Variants in CCDC85A observed in about 807,000 individuals in gnomAD.
The protein encoded by CCDC85A is coiled-coil domain containing 85A.
A neutral mutation model predicts 50.2 loss-of-function variants in CCDC85A; 38 were observed. The observed-to-expected ratio is 0.76, with a 90% CI of 0.58 to 0.99. CCDC85A has a LOEUF of 0.99. CCDC85A is among the 50% of genes least tolerant of loss of function. The pLI, the probability that CCDC85A is intolerant of heterozygous loss-of-function variation, is 0.00. For missense variants in CCDC85A, 820 were observed against 742.0 expected (o/e 1.11, Z -1.22); for synonymous variants, 366 against 301.4 (o/e 1.21, Z -2.22).
At chr2:56,297,129 T>C (rs1433074629) in intron 2 of CCDC85A, among the ~76,000 whole-genome samples, 2 of 152,158 alleles carry the variant, frequency 1.3e-5, no homozygotes, top group Non-Finnish European at 2.9e-5. Context: ...GAAATACTTA[T>C]TCGTTGAGAG....
intron 2 of CCDC85A, among the ~76,000 whole-genome samples, chr2:56,308,420 A>C (rs1036520594): frequency 2.0e-5 from 3 of 152,148 alleles, no homozygotes; most frequent in Non-Finnish European, 4.4e-5. Context: ...TGCTGAACTT[A>C]GAAGATCAAC....
intron 2 of CCDC85A, among the ~76,000 whole-genome samples, chr2:56,276,927 C>T (rs998168043): frequency 5.9e-5 from 9 of 152,150 alleles, no homozygotes; most frequent in South Asian, 4.1e-4. Flanking sequence ...TTTTCAGCAT[C>T]TAGCCAGTGC....
chr2:56,267,269 A>G (rs1670492575), intron 2 of CCDC85A, among the ~76,000 whole-genome samples: 1 of 152,148 alleles, frequency 6.6e-6, no homozygotes, highest in African/African-American at 2.4e-5. Flanking sequence ...GCTGCAGAAT[A>G]TATTTCAAGC....
At chr2:56,264,674 C>T (rs1404438906) in intron 2 of CCDC85A, among the ~76,000 whole-genome samples, 1 of 152,178 alleles carries the variant, frequency 6.6e-6, no homozygotes, top group Admixed American at 6.5e-5. Flanking sequence ...TTATGTCACT[C>T]TTCTATTTAC....
In CCDC85A at chr2:56,222,910, A is replaced by T. The variant is rs79652128; in HGVS notation, c.1240+29470A>T. 8.2e-3 allele frequency among the ~76,000 whole-genome samples: 1,255 copies of T among 152,270 alleles called. 13 individuals are homozygous for T. Among genetic ancestry groups the T allele is most frequent in the African/African-American group, 0.029 (1,193 of 41,570 alleles). ...CTTTCAAAAACAATTTGCATGCTTC[A>T]TGGGAAAGCCAGCTGAATTGCTTCA... is the stretch of plus-strand genomic sequence containing the variant. On this transcript the variant is annotated intron_variant, in intron 2 of 5. Coordinates refer to ENST00000407595, the MANE Select transcript of CCDC85A (RefSeq NM_001080433.2).
chr2:56,322,359 C>A (rs1673244716), intron 2 of CCDC85A, among the ~76,000 whole-genome samples: 1 of 152,110 alleles, frequency 6.6e-6, no homozygotes, highest in Non-Finnish European at 1.5e-5. Context: ...AACAGGCAAC[C>A]TACAGAATGG....
At chr2:56,347,329 G>A (rs1371561180) in intron 3 of CCDC85A, among the ~76,000 whole-genome samples, 1 of 152,180 alleles carries the variant, frequency 6.6e-6, no homozygotes, top group Non-Finnish European at 1.5e-5. Flanking sequence ...TTTCTAGCAT[G>A]TGCACAGTGG....
chr2:56,322,524 C>T (rs1200452730), intron 2 of CCDC85A, among the ~76,000 whole-genome samples: 1 of 152,096 alleles, frequency 6.6e-6, no homozygotes, highest in African/African-American at 2.4e-5. Flanking sequence ...GTTTATGCAG[C>T]CAACAGACAC....
At chr2:56,360,195 T>C (rs1454371394) in intron 3 of CCDC85A, among the ~76,000 whole-genome samples, 2 of 152,250 alleles carry the variant, frequency 1.3e-5, no homozygotes, top group African/African-American at 2.4e-5. Context: ...TCACAATGCT[T>C]GGTCAGTGAC....
At chr2:56,379,893 A>G (rs1676504516) in intron 5 of CCDC85A, 1 of 573,034 alleles carries the variant, frequency 1.7e-6, no homozygotes, top group Non-Finnish European at 2.2e-6. Flanking sequence ...TGAAAGCCAC[A>G]TCGTAGCTTA....
At chr2:56,216,879 A>T (rs1028330188) in intron 2 of CCDC85A, among the ~76,000 whole-genome samples, 1 of 151,420 alleles carries the variant, frequency 6.6e-6, no homozygotes, top group Non-Finnish European at 1.5e-5. Flanking sequence ...TCTTTTGCTC[A>T]TGGGGCCAAG....
At chr2:56,353,602 T>C (rs1026094612) in intron 3 of CCDC85A, among the ~76,000 whole-genome samples, 5 of 152,198 alleles carry the variant, frequency 3.3e-5, no homozygotes, top group African/African-American at 4.8e-5. Flanking sequence ...GAAGATTGAA[T>C]TGGTTGTATC....
intron 2 of CCDC85A, among the ~76,000 whole-genome samples, chr2:56,240,710 A>G (rs1401699050): frequency 3.3e-5 from 5 of 152,146 alleles, no homozygotes; most frequent in African/African-American, 4.8e-5. Context: ...AGGTTCACTG[A>G]TGTCGCTGTC....
At position 56,231,645 on chromosome 2, in the gene CCDC85A, G is replaced by T. The variant is rs185560197; in HGVS notation, c.1240+38205G>T. Among the ~76,000 whole-genome samples the T allele has an allele frequency of 1.7e-4, 26 of 152,098 alleles. 1 individual carries two copies. Among genetic ancestry groups the T allele is most frequent in the Admixed American group, 1.7e-3 (26 of 15,266 alleles). ...CTGTAGACCAAGGTTTTTTAATGGG[G>T]TGCCTAAAACCTTAGAGAGTTCATG... On this transcript the variant is annotated intron_variant, in intron 2 of 5. Coordinates refer to ENST00000407595, the MANE Select transcript of CCDC85A (RefSeq NM_001080433.2).
chr2:56,305,355 G>A (rs10195550), intron 2 of CCDC85A, among the ~76,000 whole-genome samples: 3,234 of 152,240 alleles, frequency 0.021, 125 homozygotes, highest in African/African-American at 0.074. Flanking sequence ...CCATTTTACT[G>A]ATGAGTACAA....
At chr2:56,270,233 T>C (rs1171174191) in intron 2 of CCDC85A, among the ~76,000 whole-genome samples, 2 of 152,196 alleles carry the variant, frequency 1.3e-5, no homozygotes, top group Non-Finnish European at 2.9e-5. Flanking sequence ...TCAGGAATTA[T>C]GGAAAAATTA....
At chr2:56,258,771 G>A (rs921056110) in intron 2 of CCDC85A, among the ~76,000 whole-genome samples, 9 of 152,194 alleles carry the variant, frequency 5.9e-5, no homozygotes, top group African/African-American at 1.9e-4. Flanking sequence ...GATGAGGAGA[G>A]GGGCCATTTC....
Position 56,193,039 on chromosome 2 carries a change from A to C in CCDC85A, c.839A>C (p.Glu280Ala). Residue 280 changes from glutamate to alanine, a missense_variant, in exon 2 of 6, where the codon GAG becomes GCG. Transcript: ENST00000407595. Reference sequence around the variant, plus strand: ...AAAGCACTCAAAGGACCTAGCCCGGAGCACCACAAACCCTTGTGCAAGGGC... The same window carrying C: ...AAAGCACTCAAAGGACCTAGCCCGGCGCACCACAAACCCTTGTGCAAGGGC... ...RPKALKGPSPEHHKPLCKGSP... is the reference protein window; with the variant it reads ...RPKALKGPSPAHHKPLCKGSP... 1 of 1,613,966 alleles carries C rather than the reference A, an allele frequency of 6.2e-7. No homozygotes were observed. Among genetic ancestry groups the C allele is most frequent in the Non-Finnish European group, 8.5e-7 (1 of 1,179,900 alleles).
chr2:56,359,651 T>C (rs559510025), intron 3 of CCDC85A, among the ~76,000 whole-genome samples: 21 of 152,348 alleles, frequency 1.4e-4, no homozygotes, highest in African/African-American at 4.8e-4. Flanking sequence ...AGAAAACCAT[T>C]TCTGGCTAAG....
Sources: allele counts gnomAD v4.1 joint callset (sites outside exome capture counted in the v4.1 genomes callset), GRCh38; gene constraint gnomAD v4.1.1; transcripts MANE v1.5; gene names NCBI Gene and HGNC (gene_info 2026-07-23, HGNC 2026-07-21).